LPAR1: variants seen among roughly 807,000 people sequenced by gnomAD.
The protein encoded by LPAR1 is LPA receptor 1.
Under a neutral mutation model 23.8 loss-of-function variants are expected in LPAR1, and 5 were observed. The observed-to-expected ratio is 0.21, with a 90% CI of 0.11 to 0.44. The LOEUF (loss-of-function observed/expected upper bound fraction) is 0.44. LPAR1 is among the 20% of genes least tolerant of loss of function. LPAR1 has a pLI of 0.99. For missense variants in LPAR1, 311 were observed against 482.8 expected (o/e 0.64, Z 3.33); for synonymous variants, 160 against 164.7 (o/e 0.97, Z 0.22).
chr9:110,888,111 T>C (rs2082902533), intron 5 of LPAR1, among the ~76,000 whole-genome samples: 1 of 152,186 alleles, frequency 6.6e-6, no homozygotes, highest in Non-Finnish European at 1.5e-5. Flanking sequence ...CCTCTAACAG[T>C]GTTTAGAACA....
At chr9:110,985,866 T>G (rs775923303) in intron 2 of LPAR1, among the ~76,000 whole-genome samples, 5 of 152,082 alleles carry the variant, frequency 3.3e-5, no homozygotes, top group Non-Finnish European at 7.4e-5. Flanking sequence ...AAATCTCTAC[T>G]TAGAAGTAGT....
intron 2 of LPAR1, among the ~76,000 whole-genome samples, chr9:110,999,098 T>A (rs990318782): frequency 6.6e-6 from 1 of 152,182 alleles, no homozygotes; most frequent in Non-Finnish European, 1.5e-5. Context: ...TGTAGTGAAA[T>A]TAATATATCC....
In LPAR1 at chr9:110,978,238, C is replaced by G. The variant is rs572558695; in HGVS notation, c.-181-4680G>C. Among the ~76,000 whole-genome samples the G allele has an allele frequency of 6.8e-4, 103 of 152,170 alleles. 4 individuals are homozygous for G. The South Asian group carries it at 0.021, about 30-fold the overall frequency. The stretch of plus-strand genomic sequence containing the variant: ...GTCTGCGCTAACCAGAAAAGAAAAT[C>G]TGAATTATGAACTTGAATAAAAGCA... On this transcript the variant is annotated intron_variant, in intron 2 of 5. Transcript: ENST00000683809.
chr9:111,017,052 G>A (rs1289281888), intron 2 of LPAR1, among the ~76,000 whole-genome samples: 1 of 152,160 alleles, frequency 6.6e-6, no homozygotes, highest in Admixed American at 6.5e-5. Flanking sequence ...CACATGAAGA[G>A]TTGTCCCCCC....
intron 5 of LPAR1, among the ~76,000 whole-genome samples, chr9:110,890,277 G>A (rs1345788369): frequency 6.6e-6 from 1 of 152,086 alleles, no homozygotes; most frequent in Non-Finnish European, 1.5e-5. Flanking sequence ...AAAAAACATA[G>A]AGAATATAAT....
chr9:110,977,205 G>A (rs978872932), intron 2 of LPAR1, among the ~76,000 whole-genome samples: 1 of 152,204 alleles, frequency 6.6e-6, no homozygotes, highest in African/African-American at 2.4e-5. Context: ...GATGGGGGCT[G>A]AGGGAACTAA....
intron 5 of LPAR1, among the ~76,000 whole-genome samples, chr9:110,886,644 T>G (rs1423361545): frequency 6.6e-6 from 1 of 152,158 alleles, no homozygotes; most frequent in African/African-American, 2.4e-5. Context: ...TTTGTTTTCT[T>G]TTACATAATG....
chr9:110,935,034 A>T (rs1344785804), intron 5 of LPAR1, among the ~76,000 whole-genome samples: 1 of 152,200 alleles, frequency 6.6e-6, no homozygotes, highest in Non-Finnish European at 1.5e-5. Flanking sequence ...TCAAGGTTTA[A>T]TTAGGGAGGG....
chr9:110,980,692 A>G (rs1311536249), intron 2 of LPAR1, among the ~76,000 whole-genome samples: 1 of 151,944 alleles, frequency 6.6e-6, no homozygotes, highest in Non-Finnish European at 1.5e-5. Flanking sequence ...GATAGCAAAA[A>G]TAAGTTCTAG....
At chr9:110,911,550 G>C (rs2092436699) in intron 5 of LPAR1, among the ~76,000 whole-genome samples, 1 of 151,196 alleles carries the variant, frequency 6.6e-6, no homozygotes, top group Non-Finnish European at 1.5e-5. Context: ...TAAAAAAATA[G>C]TGGAGGATTT....
intron 5 of LPAR1, among the ~76,000 whole-genome samples, chr9:110,891,716 T>C (rs1263309541): frequency 1.3e-5 from 2 of 152,154 alleles, no homozygotes; most frequent in East Asian, 1.9e-4. Flanking sequence ...AATAATCCAA[T>C]TAAAATGTAA....
Position 110,920,549 on chromosome 9 carries a change from A to C in LPAR1, c.793+20872T>G, listed in dbSNP as rs544938234. Reference sequence around the variant, plus strand: ...TTTAAAAAGACATCAGAGAATAACAATCTTCTTTTCCTTTTTTTCTTCCCT... The same window carrying C: ...TTTAAAAAGACATCAGAGAATAACACTCTTCTTTTCCTTTTTTTCTTCCCT... On this transcript the variant is annotated intron_variant, in intron 5 of 5. Coordinates refer to ENST00000683809, the MANE Select transcript of LPAR1 (RefSeq NM_001351411.2). Among the ~76,000 whole-genome samples, 11 of 152,248 alleles carry C rather than the reference A, an allele frequency of 7.2e-5. No homozygotes were observed. In the South Asian group the frequency reaches 2.3e-3, roughly 32 times the overall value.
At chr9:110,993,725 C>G (rs1049019860) in intron 2 of LPAR1, among the ~76,000 whole-genome samples, 1 of 152,204 alleles carries the variant, frequency 6.6e-6, no homozygotes, top group Non-Finnish European at 1.5e-5. Flanking sequence ...ATCTTCGTCT[C>G]TTAATACCAT....
intron 5 of LPAR1, among the ~76,000 whole-genome samples, chr9:110,932,218 A>G (rs1212692095): frequency 3.3e-5 from 5 of 152,190 alleles, no homozygotes; most frequent in Admixed American, 6.5e-5. Flanking sequence ...GTAGTCATTC[A>G]GCAAATATCT....
At chr9:110,969,609 G>A (rs2096344673) in intron 4 of LPAR1, among the ~76,000 whole-genome samples, 1 of 151,988 alleles carries the variant, frequency 6.6e-6, no homozygotes, top group Non-Finnish European at 1.5e-5. Context: ...CTACTTGGGA[G>A]GCTGAGGCAG....
At chr9:110,890,262 A>C (rs2083690417) in intron 5 of LPAR1, among the ~76,000 whole-genome samples, 1 of 152,188 alleles carries the variant, frequency 6.6e-6, no homozygotes, top group Non-Finnish European at 1.5e-5. Context: ...GAATATACCC[A>C]AAACAAAAAA....
intron 2 of LPAR1, among the ~76,000 whole-genome samples, chr9:111,033,290 T>C (rs2097835837): frequency 6.6e-6 from 1 of 152,148 alleles, no homozygotes; most frequent in South Asian, 2.1e-4. Flanking sequence ...TTTGAAATCA[T>C]ACTAACCTGC....
chr9:110,969,345 C>T (rs373918586), intron 4 of LPAR1, among the ~76,000 whole-genome samples: 190 of 152,210 alleles, frequency 1.2e-3, no homozygotes, highest in African/African-American at 3.2e-3. Context: ...TACTATTTTG[C>T]GTCTTGCTTT....
intron 5 of LPAR1, among the ~76,000 whole-genome samples, chr9:110,906,026 G>A (rs932830995): frequency 6.6e-6 from 1 of 152,208 alleles, no homozygotes; most frequent in Non-Finnish European, 1.5e-5. Flanking sequence ...CCAGGAGCAT[G>A]CTCTTTGTCA....
Sources: gnomAD v4.1 joint callset for allele counts (sites outside exome capture counted in the v4.1 genomes callset) on GRCh38, gnomAD v4.1.1 for gene constraint, MANE v1.5 for transcripts, NCBI Gene and HGNC (gene_info 2026-07-23, HGNC 2026-07-21) for gene names.